Variants in XAB2 observed in about 807,000 individuals in gnomAD.
XAB2 encodes XPA binding protein 2, also known as pre-mRNA-splicing factor SYF1.
Under a neutral mutation model 113.4 loss-of-function variants are expected in XAB2, and 57 were observed. The ratio of observed to expected loss-of-function variants is 0.50; its 90% confidence interval spans 0.41 to 0.63. The LOEUF is 0.63. Ranked by LOEUF, XAB2 falls within the 20% of genes least tolerant of loss-of-function variation. The probability of loss-of-function intolerance (pLI) is 0.00; values close to 1 mark genes in which losing one functional copy is unlikely to be tolerated. For missense variants in XAB2, 1,037 were observed against 1,233.3 expected (o/e 0.84, Z 2.38); for synonymous variants, 497 against 498.8 (o/e 1.00, Z 0.05).
At position 7,627,934 on chromosome 19, in the gene XAB2, T is replaced by C; in HGVS notation, c.201-83A>G. The C allele has an allele frequency of 1.3e-6, 2 of 1,563,236 alleles. No individual in the cohort carries two copies. The highest frequency in any genetic ancestry group is 1.7e-6 in the Non-Finnish European group (2 of 1,151,394). On this transcript the variant is annotated intron_variant, in intron 2 of 18. Transcript: ENST00000358368. The surrounding 1 kb of genome is among the most constrained non-coding windows in gnomAD (Gnocchi z 4.5). Reference sequence around the variant, plus strand: ...CATTTGCCCTGCCCCAGTTGGCAAATGTGGGAAGAAGGGGTGTGGGAGGGG... The same window carrying C: ...CATTTGCCCTGCCCCAGTTGGCAAACGTGGGAAGAAGGGGTGTGGGAGGGG...
intron 16 of XAB2, 89 bp downstream of exon 16, chr19:7,620,186 A>C: frequency 6.3e-7 from 1 of 1,596,906 alleles, no homozygotes; most frequent in Admixed American, 1.7e-5. Context: ...GATTGCCATC[A>C]GGATCCGAGG....
chr19:7,628,161 C>G lies in XAB2; in HGVS notation c.189G>C (p.Leu63=). Residue 63 remains leucine, a synonymous_variant, in exon 2 of 19, where the codon CTG becomes CTC. Transcript: ENST00000358368. The surrounding 1 kb of genome is among the most constrained non-coding windows in gnomAD (Gnocchi z 4.6). ...LNQLYERALK[L]LPCSYKLWYR... ...GGAGCCATTCCCACCTGCAGGGCAG[C>G]AGCTTGAGTGCCCGCTCGTATAGCT... 6.2e-7 allele frequency: 1 copy of G among 1,613,024 alleles called. No homozygotes were observed. Among genetic ancestry groups the G allele is most frequent in the Non-Finnish European group, 8.5e-7 (1 of 1,179,568 alleles).
rs1218813854 is a variant in XAB2 at position 7,622,777 on chromosome 19, G to T, written c.1356C>A (p.Ala452=). 1.9e-6 allele frequency: 3 copies of T among 1,613,976 alleles called. No homozygotes were observed. The African/African-American group carries it at 4.0e-5, about 22-fold the overall frequency. The change falls in exon 10 of 19, where the codon GCC becomes GCA. Residue 452 remains alanine (A), a synonymous_variant. Coordinates refer to ENST00000358368, the MANE Select transcript of XAB2 (RefSeq NM_020196.3). ...LELRHENYDE[A]LRLLRKATAL... is the part of the protein sequence containing the mutation. ...CTGTTCTCACTCGCAGCAGCCGCAAGGCCTCATCGTAGTTCTCGTGTCGGA... is the reference window on the plus strand; with the variant it reads ...CTGTTCTCACTCGCAGCAGCCGCAATGCCTCATCGTAGTTCTCGTGTCGGA...
rs2031069765 is a variant in XAB2, at chr19:7,623,085, CA to C, written c.1239+84del. 1.9e-6 allele frequency: 3 copies of C among 1,582,136 alleles called. No individual in the cohort carries two copies. In the African/African-American group the frequency reaches 4.0e-5, roughly 21 times the overall value. On this transcript the variant is annotated intron_variant, in intron 9 of 18. Transcript: ENST00000358368. This position sits in a 1 kb window ranked among gnomAD's most constrained non-coding sequence, Gnocchi z 4.6. ...ACACACACGTGCACACATCCATGCACAAATATGTACACACACATACATGCAC... is the reference window on the plus strand; with the variant it reads ...ACACACACGTGCACACATCCATGCACAATATGTACACACACATACATGCAC...
At chr19:7,620,246 C>G in intron 16 of XAB2, 29 bp downstream of exon 16, 1 of 1,611,644 alleles carries the variant, frequency 6.2e-7, no homozygotes, top group Non-Finnish European at 8.5e-7. Flanking sequence ...TGCCCTGGAT[C>G]AGGAACTCAG....
intron 1 of XAB2, 37 bp downstream of exon 1, chr19:7,629,440 C>G: frequency 1.9e-6 from 3 of 1,572,422 alleles, no homozygotes; most frequent in Non-Finnish European, 2.6e-6. Context: ...TCCCAATGCC[C>G]CAACGCAGGC....
In XAB2 at chr19:7,627,701, G is replaced by A. The variant is rs769363653; in HGVS notation, c.324+27C>T. The A allele has an allele frequency of 6.3e-6, 9 of 1,437,592 alleles. No homozygotes were observed. The highest frequency in any genetic ancestry group is 5.4e-5 in the Admixed American group (3 of 55,102). 89.1% of individuals were successfully genotyped at this position (1,437,592 alleles called of 1,614,324 possible). A position where few individuals can be genotyped will look rare whatever the true frequency, so the allele number is the denominator to read the frequency against. On this transcript the variant is annotated intron_variant, in intron 3 of 18. Transcript: ENST00000358368. This position sits in a 1 kb window ranked among gnomAD's most constrained non-coding sequence, Gnocchi z 4.5. ...CACCATGGACTGAGCTCCACTTCCCGATTCATCCCCTCGCCGAGCCCCAAA... is the reference window on the plus strand; with the variant it reads ...CACCATGGACTGAGCTCCACTTCCCAATTCATCCCCTCGCCGAGCCCCAAA...
rs189477293 is a variant in XAB2, at chr19:7,620,353, C to T, written c.2188G>A (p.Val730Met). ...IKEMLRIRRS[V>M]QATYNTQVNF... Reference sequence around the variant, plus strand: ...ACCTGCGTGTTGTACGTGGCCTGCACGCTGCGCCGGATACGCAGCATTTCC... The same window carrying T: ...ACCTGCGTGTTGTACGTGGCCTGCATGCTGCGCCGGATACGCAGCATTTCC... The change falls in exon 16 of 19, where the codon GTG becomes ATG. Residue 730 changes from valine to methionine, a missense_variant. By Grantham distance (21) the Val-to-Met change is conservative (BLOSUM62 1). Coordinates refer to ENST00000358368, the MANE Select transcript of XAB2 (RefSeq NM_020196.3). 2.9e-5 allele frequency: 46 copies of T among 1,613,574 alleles called. No homozygotes were observed. In the Middle Eastern group the frequency reaches 5.0e-4, roughly 17 times the overall value.
rs2146187049 is a variant in XAB2 at position 7,624,213 on chromosome 19, A to G, written c.967+88T>C. The G allele has an allele frequency of 6.3e-7, 1 of 1,583,660 alleles. No individual in the cohort carries two copies. Among genetic ancestry groups the G allele is most frequent in the Non-Finnish European group, 8.6e-7 (1 of 1,168,544 alleles). ...CTGCTGGCCCCCAGCTGAGCCTCCCAGGGCTGCCTCACCTGAGATGTGTCC... is the reference window on the plus strand; with the variant it reads ...CTGCTGGCCCCCAGCTGAGCCTCCCGGGGCTGCCTCACCTGAGATGTGTCC... On this transcript the variant is annotated intron_variant, in intron 7 of 18. Coordinates refer to ENST00000358368, the MANE Select transcript of XAB2 (RefSeq NM_020196.3). The surrounding 1 kb of genome is among the most constrained non-coding windows in gnomAD (Gnocchi z 4.2).
Position 7,627,298 on chromosome 19 carries a change from AGGAAGCGCAGATAC to A in XAB2, c.453_466del (p.Tyr152AlafsTer7). 6.2e-7 allele frequency: 1 copy of A among 1,613,772 alleles called. No homozygotes were observed. The highest frequency in any genetic ancestry group is 8.5e-7 in the Non-Finnish European group (1 of 1,180,036). On this transcript the variant is annotated frameshift_variant, in exon 4 of 19. Transcript: ENST00000358368. LOFTEE classifies it high-confidence loss of function. The surrounding 1 kb of genome is among the most constrained non-coding windows in gnomAD (Gnocchi z 4.5). ...TGTCTCAGGCAGTGGGTGTGAGCGC[AGGAAGCGCAGATAC>A]AGGGGCCAAATTCGAGAGTGCTGCG... is the stretch of plus-strand genomic sequence containing the variant.
At chr19:7,621,114 C>G in intron 13 of XAB2, 21 bp downstream of exon 13, 1 of 1,546,032 alleles carries the variant, frequency 6.5e-7, no homozygotes, top group Non-Finnish European at 8.8e-7. Flanking sequence ...CCACCCCCCC[C>G]ATGCCCTCTG....
chr19:7,623,393 C>T lies in XAB2; in HGVS notation c.1120-104G>A. The T allele has an allele frequency of 6.7e-7, 1 of 1,491,456 alleles. No homozygotes were observed. Among genetic ancestry groups the T allele is most frequent in the Non-Finnish European group, 9.1e-7 (1 of 1,100,356 alleles). The allele number at this position is 1,491,456 out of a possible 1,614,324, so 92.4% of individuals were successfully genotyped here. A position where few individuals can be genotyped will look rare whatever the true frequency, so the allele number is the denominator to read the frequency against. On this transcript the variant is annotated intron_variant, in intron 8 of 18. Transcript: ENST00000358368. This position sits in a 1 kb window ranked among gnomAD's most constrained non-coding sequence, Gnocchi z 4.6. ...GGTGGGGCCTGGAGGGTGCTGTGGC[C>T]CCTGTCGGGAGAGGCCAGAAACGAA...
intron 15 of XAB2, 31 bp from the exon 16 acceptor site, chr19:7,620,477 G>A (rs748269855): frequency 1.2e-6 from 2 of 1,608,088 alleles, no homozygotes; most frequent in East Asian, 2.2e-5. Flanking sequence ...GGGTGGGTGT[G>A]TGTGCCCGTG....
rs930224643 is a variant in XAB2 at position 7,621,995 on chromosome 19, G to A, written c.1617+336C>T. ...AGATGAGATCACTAAGTTAAACTGA[G>A]GTCGTTAGGGGCCACCTAATCCATT... On this transcript the variant is annotated intron_variant, in intron 12 of 18. Transcript: ENST00000358368. The A allele has an allele frequency of 2.7e-4, 67 of 248,832 alleles. 1 individual carries two copies. The highest frequency in any genetic ancestry group is 1.1e-3 in the African/African-American group (49 of 44,238). 15.4% of individuals were successfully genotyped at this position (248,832 alleles called of 1,614,324 possible). A position where few individuals can be genotyped will look rare whatever the true frequency, so the allele number is the denominator to read the frequency against.
At position 7,620,640 on chromosome 19, in the gene XAB2, C is replaced by T. The variant is rs1214934440; in HGVS notation, c.2001G>A (p.Met667Ile). 7 of 1,613,066 alleles carry T rather than the reference C, an allele frequency of 4.3e-6. No individual in the cohort carries two copies. Among genetic ancestry groups the T allele is most frequent in the African/African-American group, 1.3e-5 (1 of 75,052 alleles). Residue 667 changes from methionine to isoleucine, a missense_variant, in exon 15 of 19, where the codon ATG becomes ATA. Transcript: ENST00000358368. ...ACTCCATGTCTGCAAACCGCAGGCA[C>T]ATCTCACGCGCGTGCTCGTCCGACA... is the stretch of plus-strand genomic sequence containing the variant. ...EVLSDEHAREMCLRFADMECK... is the reference protein window; with the variant it reads ...EVLSDEHAREICLRFADMECK...
Position 7,625,075 on chromosome 19 carries a change from T to C in XAB2, c.823-630A>G, listed in dbSNP as rs538242033. ...GGCCAGCCCGTTTGGCTTTCGAGGC[T>C]CCCAACCTATCTTCCCTGGGTTCCT... On this transcript the variant is annotated intron_variant, in intron 6 of 18. Coordinates refer to ENST00000358368, the MANE Select transcript of XAB2 (RefSeq NM_020196.3). This position sits in a 1 kb window ranked among gnomAD's most constrained non-coding sequence, Gnocchi z 5.2. 8.6e-5 allele frequency among the ~76,000 whole-genome samples: 13 copies of C among 151,640 alleles called. No homozygotes were observed. Among genetic ancestry groups the C allele is most frequent in the South Asian group, 2.1e-4 (1 of 4,790 alleles).
rs2031200090 is a variant in XAB2 at position 7,628,952 on chromosome 19, G to A, written c.51+525C>T. Among the ~76,000 whole-genome samples the A allele has an allele frequency of 6.6e-6, 1 of 152,192 alleles. No homozygotes were observed. Among genetic ancestry groups the A allele is most frequent in the Admixed American group, 6.5e-5 (1 of 15,274 alleles). ...TGCACACCAAGAATCTGGTGAAGATGTCACGCCTCTACTCCAGAGAGTAAG... is the reference window on the plus strand; with the variant it reads ...TGCACACCAAGAATCTGGTGAAGATATCACGCCTCTACTCCAGAGAGTAAG... On this transcript the variant is annotated intron_variant, in intron 1 of 18. Coordinates refer to ENST00000358368, the MANE Select transcript of XAB2 (RefSeq NM_020196.3). The surrounding 1 kb of genome is among the most constrained non-coding windows in gnomAD (Gnocchi z 4.6).
rs116895352 is a variant in XAB2, at chr19:7,625,432, G to A, written c.822+448C>T. Among the ~76,000 whole-genome samples the A allele has an allele frequency of 0.018, 2,675 of 150,548 alleles. 136 individuals carry two copies. Among genetic ancestry groups the A allele is most frequent in the Admixed American group, 0.11 (1,703 of 15,174 alleles). On this transcript the variant is annotated intron_variant, in intron 6 of 18. Coordinates refer to ENST00000358368, the MANE Select transcript of XAB2 (RefSeq NM_020196.3). The surrounding 1 kb of genome is among the most constrained non-coding windows in gnomAD (Gnocchi z 5.2). Reference sequence around the variant, plus strand: ...GTGCTCCCCCACCCTCAGCAGGATAGTAATCGTGTGCAGGGATATGCATGT... The same window carrying A: ...GTGCTCCCCCACCCTCAGCAGGATAATAATCGTGTGCAGGGATATGCATGT...
chr19:7,621,095 G>A (rs4134863), intron 13 of XAB2, 40 bp downstream of exon 13: 191,393 of 1,486,594 alleles, frequency 0.13, 10,792 homozygotes, highest in African/African-American at 0.15. Context: ...CAGAAACCCA[G>A]CCCGCCCGCC....
Sources: gnomAD v4.1 joint callset for allele counts (sites outside exome capture counted in the v4.1 genomes callset) on GRCh38, gnomAD v4.1.1 for gene constraint, Gnocchi (gnomAD v3.1) non-coding constraint, MANE v1.5 for transcripts, NCBI Gene and HGNC (gene_info 2026-07-23, HGNC 2026-07-21) for gene names.